The following NFATC1 variants were observed in gnomAD, a reference collection of about 807,000 sequenced individuals.
NFATC1 encodes nuclear factor of activated T-cells, cytoplasmic 1.
In NFATC1, 22 loss-of-function variants were observed where a neutral mutation model predicts 76.0. The ratio of observed to expected loss-of-function variants is 0.29; its 90% confidence interval spans 0.21 to 0.41. The LOEUF is 0.41. NFATC1 is among the 10% of genes least tolerant of loss of function. NFATC1 has a pLI of 1.00. For missense variants in NFATC1, 1,357 were observed against 1,337.7 expected (o/e 1.01, Z -0.23); for synonymous variants, 704 against 613.1 (o/e 1.15, Z -2.19).
chr18:79,432,753 G>A (rs1407174999), intron 2 of NFATC1, among the ~76,000 whole-genome samples: 3 of 152,368 alleles, frequency 2.0e-5, no homozygotes, highest in African/African-American at 7.2e-5. Context: ...GCCCCCAGGA[G>A]TGTTGAGACA....
intron 9 of NFATC1, among the ~76,000 whole-genome samples, chr18:79,513,178 G>A (rs28627209): frequency 0.11 from 16,041 of 152,258 alleles, 1,320 homozygotes; most frequent in African/African-American, 0.24. Flanking sequence ...TCCCGTCGGC[G>A]TAGAGCAGCT....
chr18:79,478,487 A>C (rs2145008323), intron 8 of NFATC1, among the ~76,000 whole-genome samples: 1 of 152,284 alleles, frequency 6.6e-6, no homozygotes, highest in South Asian at 2.1e-4. Context: ...CTGGGGCTTT[A>C]GAACAGGAAC....
In NFATC1 at chr18:79,464,718, T is replaced by A. The variant is rs1369016734; in HGVS notation, c.1960-2732T>A. On this transcript the variant is annotated intron_variant, in intron 7 of 9. Coordinates refer to ENST00000427363, the MANE Select transcript of NFATC1 (RefSeq NM_001278669.2). ...TATTTATTTATTTATTTATTTTTTT[T>A]TTTTTGAGACAGGGTCTTGCTGTGT... Among the ~76,000 whole-genome samples, 15 of 92,428 alleles carry A rather than the reference T, an allele frequency of 1.6e-4. 1 individual carries two copies. Among genetic ancestry groups the A allele is most frequent in the Admixed American group, 5.4e-4 (5 of 9,250 alleles). 60.6% of individuals were successfully genotyped at this position (92,428 alleles called of 152,430 possible).
At chr18:79,441,626 C>T (rs1168482478) in intron 3 of NFATC1, among the ~76,000 whole-genome samples, 3 of 152,136 alleles carry the variant, frequency 2.0e-5, no homozygotes, top group African/African-American at 2.4e-5. Context: ...AAGTGCTGAG[C>T]GGAAACCACC....
chr18:79,488,454 C>G (rs563432976), intron 9 of NFATC1, among the ~76,000 whole-genome samples: 3 of 152,132 alleles, frequency 2.0e-5, no homozygotes, highest in Non-Finnish European at 4.4e-5. Flanking sequence ...GAGCCACACA[C>G]TGGAGGCCCG....
intron 8 of NFATC1, chr18:79,469,815 C>T (rs1402375448): frequency 1.0e-6 from 1 of 985,372 alleles, no homozygotes; most frequent in East Asian, 1.1e-4. Context: ...ACTGACCAGC[C>T]CCACCAGCCC....
At chr18:79,444,704 C>A (rs762521883) in intron 3 of NFATC1, among the ~76,000 whole-genome samples, 2 of 151,874 alleles carry the variant, frequency 1.3e-5, no homozygotes, top group African/African-American at 4.8e-5. Flanking sequence ...CAGACCACAC[C>A]GGCACTGCAC....
rs577092628 is a variant in NFATC1 at position 79,412,350 on chromosome 18, C to T, written c.1226+849C>T. Among the ~76,000 whole-genome samples, 12 of 152,054 alleles carry T rather than the reference C, an allele frequency of 7.9e-5. No homozygotes were observed. In the East Asian group the frequency reaches 1.4e-3, roughly 17 times the overall value. On this transcript the variant is annotated intron_variant, in intron 2 of 9. Transcript: ENST00000427363. ...GAGGGCAGTGCCCCATGGCCCGTGA[C>T]GTCAGGGCTGCCGCTGTGTCCTCAG...
At chr18:79,520,650 G>GTGT in intron 9 of NFATC1, among the ~76,000 whole-genome samples, 1 of 56,648 alleles carries the variant, frequency 1.8e-5, no homozygotes. Context: ...CTGTGTGTCG[G>GTGT]GGGGGGCATC....
intron 9 of NFATC1, among the ~76,000 whole-genome samples, chr18:79,515,271 GA>G (rs1438841921): frequency 6.7e-5 from 10 of 149,930 alleles, no homozygotes; most frequent in African/African-American, 2.5e-4. Flanking sequence ...CTTGAACCTG[GA>G]AGGTTGCAGT....
At chr18:79,507,583 G>A (rs1007022173) in intron 9 of NFATC1, among the ~76,000 whole-genome samples, 5 of 152,222 alleles carry the variant, frequency 3.3e-5, no homozygotes, top group African/African-American at 1.2e-4. Context: ...GGGCCCAGAT[G>A]TCCTCCCTGG....
intron 9 of NFATC1, among the ~76,000 whole-genome samples, chr18:79,510,582 A>G (rs559635196): frequency 9.9e-5 from 15 of 152,254 alleles, no homozygotes; most frequent in Non-Finnish European, 1.9e-4. Context: ...CTTTTATTTC[A>G]GCGGTCTTTT....
chr18:79,449,662 A>G (rs1002341698), intron 4 of NFATC1, among the ~76,000 whole-genome samples: 2 of 152,166 alleles, frequency 1.3e-5, no homozygotes, highest in Non-Finnish European at 2.9e-5. Context: ...GACCAGCAGG[A>G]TGGAGCCAGG....
At chr18:79,409,953 T>G in intron 1 of NFATC1, 1 of 506,834 alleles carries the variant, frequency 2.0e-6, no homozygotes. Context: ...GTGTTGAGTT[T>G]GGGGTTTAAA....
chr18:79,466,129 T>G (rs980243815), intron 7 of NFATC1, among the ~76,000 whole-genome samples: 1 of 152,248 alleles, frequency 6.6e-6, no homozygotes, highest in Non-Finnish European at 1.5e-5. Flanking sequence ...CATGGGTGTC[T>G]GGGCCTCAGC....
chr18:79,490,601 A>T (rs2089650112), intron 9 of NFATC1, among the ~76,000 whole-genome samples: 1 of 152,186 alleles, frequency 6.6e-6, no homozygotes, highest in South Asian at 2.1e-4. Flanking sequence ...TCCCTGTGAG[A>T]AAAGCAGATT....
chr18:79,513,125 A>G (rs2090298355), intron 9 of NFATC1, among the ~76,000 whole-genome samples: 1 of 152,186 alleles, frequency 6.6e-6, no homozygotes, highest in Non-Finnish European at 1.5e-5. Flanking sequence ...CAGTATTTTA[A>G]TTCCTCTCTC....
chr18:79,423,560 C>T (rs1281588222), intron 2 of NFATC1, among the ~76,000 whole-genome samples: 7 of 152,134 alleles, frequency 4.6e-5, no homozygotes, highest in East Asian at 1.9e-4. Context: ...GGCCATGGGC[C>T]GCTGGTGCCT....
At chr18:79,502,294 C>T (rs2090030875) in intron 9 of NFATC1, among the ~76,000 whole-genome samples, 1 of 152,136 alleles carries the variant, frequency 6.6e-6, no homozygotes, top group Non-Finnish European at 1.5e-5. Context: ...GGACATTTGC[C>T]ACATGCAAAA....
Sources: gnomAD v4.1 joint callset for allele counts (sites outside exome capture counted in the v4.1 genomes callset) on GRCh38, gnomAD v4.1.1 for gene constraint, MANE v1.5 for transcripts, NCBI Gene and HGNC (gene_info 2026-07-23, HGNC 2026-07-21) for gene names.